Variants in CISD3 observed in about 807,000 individuals in gnomAD.
CISD3 encodes CDGSH iron sulfur domain 3.
Under a neutral mutation model 14.1 loss-of-function variants are expected in CISD3, and 11 were observed. That is an observed-to-expected ratio of 0.78 (90% CI 0.49 to 1.29). The LOEUF (loss-of-function observed/expected upper bound fraction) is 1.29. CISD3 is among the 50% of genes most tolerant of loss of function. CISD3 has a pLI of 0.00. For missense variants in CISD3, 156 were observed against 171.6 expected, an observed-to-expected ratio of 0.91 and a Z score of 0.51; for synonymous variants, 53 against 69.2, an observed-to-expected ratio of 0.77 and a Z score of 1.16.
Position 38,735,367 on chromosome 17 carries a change from A to T in CISD3, c.*1912A>T. On this transcript the variant is annotated 3_prime_UTR_variant, in exon 4 of 4. Transcript: ENST00000613478. ...CTGTCGAAGGGGGAGTGGGGGAGGT[A>T]GGGTGGGTGGCTGGAGGCCCATGGG... 1 of 1,554,012 alleles carries T rather than the reference A, an allele frequency of 6.4e-7. No individual in the cohort carries two copies.
intron 1 of CISD3, 46 bp downstream of exon 1, chr17:38,730,452 G>A: frequency 1.6e-6 from 2 of 1,221,078 alleles, no homozygotes; most frequent in Non-Finnish European, 2.1e-6. Flanking sequence ...AACCCCAGCC[G>A]GGCCCCTGCC....
Position 38,730,341 on chromosome 17 carries a change from G to T in CISD3, c.-18G>T. ...GCGGGGGCGGAGCCAGCGGGCGGGCGCGGCGCGGGAGGCGACCATGCGCGG... is the reference window on the plus strand; with the variant it reads ...GCGGGGGCGGAGCCAGCGGGCGGGCTCGGCGCGGGAGGCGACCATGCGCGG... On this transcript the variant is annotated 5_prime_UTR_variant, in exon 1 of 4. Transcript: ENST00000613478. 9.0e-7 allele frequency: 1 copy of T among 1,106,068 alleles called. No individual in the cohort carries two copies. The highest frequency in any genetic ancestry group is 4.3e-5 in the South Asian group (1 of 23,240). The allele number at this position is 1,106,068 out of a possible 1,614,324, so 68.5% of individuals were successfully genotyped here.
At position 38,733,509 on chromosome 17, in the gene CISD3, C is replaced by A; in HGVS notation, c.*54C>A. On this transcript the variant is annotated 3_prime_UTR_variant, in exon 4 of 4. Transcript: ENST00000613478. ...GCCTTGGCTCCAGGCCTCTGACAGGCACCCCCTTCTGTGGGAAAGGAAACA... is the reference window on the plus strand; with the variant it reads ...GCCTTGGCTCCAGGCCTCTGACAGGAACCCCCTTCTGTGGGAAAGGAAACA... The A allele has an allele frequency of 1.4e-6, 2 of 1,449,250 alleles. No homozygotes were observed. Among genetic ancestry groups the A allele is most frequent in the Non-Finnish European group, 9.1e-7 (1 of 1,093,630 alleles). The allele number at this position is 1,449,250 out of a possible 1,614,324, so 89.8% of individuals were successfully genotyped here. A position where few individuals can be genotyped will look rare whatever the true frequency, so the allele number is the denominator to read the frequency against.
At chr17:38,733,230 C>CTGCCT (rs1567936350) in intron 3 of CISD3, 46 bp from the exon 4 acceptor site, 1 of 1,546,792 alleles carries the variant, frequency 6.5e-7, no homozygotes, top group African/African-American at 1.4e-5. Flanking sequence ...CTGCCCTGCC[C>CTGCCT]CAGCAGGTGG....
intron 3 of CISD3, 48 bp from the exon 4 acceptor site, chr17:38,733,228 C>CCCTGT (rs1398826825): frequency 1.7e-5 from 26 of 1,543,374 alleles, no homozygotes; most frequent in East Asian, 2.4e-5. Context: ...CCCTGCCCTG[C>CCCTGT]CCCAGCAGGT....
intron 2 of CISD3, 41 bp from the exon 3 acceptor site, chr17:38,731,279 G>A (rs543405556): frequency 6.5e-7 from 1 of 1,546,982 alleles, no homozygotes; most frequent in South Asian, 1.2e-5. Context: ...TGCTTCCAGG[G>A]CTTGAGCTAA....
In CISD3 at chr17:38,731,524, T is replaced by C. The variant is rs76745975; in HGVS notation, c.204+85T>C. The C allele has an allele frequency of 3.8e-3, 5,786 of 1,520,160 alleles. 187 individuals are homozygous for C. The African/African-American group carries it at 0.069, about 18-fold the overall frequency. The allele number at this position is 1,520,160 out of a possible 1,614,324, so 94.2% of individuals were successfully genotyped here. A position where few individuals can be genotyped will look rare whatever the true frequency, so the allele number is the denominator to read the frequency against. ...AGTGAGTTCCCACCCAGGATGATCT[T>C]ATTCTTCCCACACATACCTGAGGGA... On this transcript the variant is annotated intron_variant, in intron 3 of 3. Transcript: ENST00000613478.
rs1906580488 is a variant in CISD3 at position 38,735,150 on chromosome 17, G to T, written c.*1695G>T. The T allele has an allele frequency of 8.3e-7, 1 of 1,198,960 alleles. No homozygotes were observed. The allele number at this position is 1,198,960 out of a possible 1,614,324, so 74.3% of individuals were successfully genotyped here. On this transcript the variant is annotated 3_prime_UTR_variant, in exon 4 of 4. Coordinates refer to ENST00000613478, the MANE Select transcript of CISD3 (RefSeq NM_001136498.2). ...GGAAGAGCTGGGGAAAGTAGAAGAG[G>T]TGGAAAAAAGGGCCCAGAAAAAGTG...
At position 38,734,998 on chromosome 17, in the gene CISD3, AGTTT is replaced by A. The variant is rs966176406; in HGVS notation, c.*1548_*1551del. 2 of 372,916 alleles carry A rather than the reference AGTTT, an allele frequency of 5.4e-6. No individual in the cohort carries two copies. Among genetic ancestry groups the A allele is most frequent in the Non-Finnish European group, 9.5e-6 (2 of 211,040 alleles). 23.1% of individuals were successfully genotyped at this position (372,916 alleles called of 1,614,324 possible). ...TTTCCACACATACACACACACATAA[AGTTT>A]GTTTCCTGTGGCATTTAAATTAATC... On this transcript the variant is annotated 3_prime_UTR_variant, in exon 4 of 4. Transcript: ENST00000613478.
chr17:38,731,248 G>T, intron 2 of CISD3, 72 bp from the exon 3 acceptor site: 3 of 1,524,730 alleles, frequency 2.0e-6, no homozygotes, highest in Non-Finnish European at 2.6e-6. Context: ...GGGAAACTAG[G>T]AAGGGTCGCA....
chr17:38,730,662 C>T lies in CISD3; in HGVS notation c.49-98C>T, dbSNP rs556881447. The T allele has an allele frequency of 1.9e-5, 24 of 1,267,860 alleles. No homozygotes were observed. In the African/African-American group the frequency reaches 2.4e-4, roughly 12 times the overall value. 78.5% of individuals were successfully genotyped at this position (1,267,860 alleles called of 1,614,324 possible). ...CCTTCAGCCCTGTCACCTCCTCCTTCCTAGATGGCCTCCCGTGTCCTTCCC... is the reference window on the plus strand; with the variant it reads ...CCTTCAGCCCTGTCACCTCCTCCTTTCTAGATGGCCTCCCGTGTCCTTCCC... On this transcript the variant is annotated intron_variant, in intron 1 of 3. Transcript: ENST00000613478.
rs569547026 is a variant in CISD3 at position 38,730,387 on chromosome 17, C to T, written c.29C>T (p.Pro10Leu). Reference sequence around the variant, plus strand: ...CGCGGCGCGGGGGCGATCCTGCGGCCGGCGGCGCGTGGTGCCCGGGTGAGC... The same window carrying T: ...CGCGGCGCGGGGGCGATCCTGCGGCTGGCGGCGCGTGGTGCCCGGGTGAGC... Reference protein sequence around the residue: MRGAGAILRPAARGARDLNP... With the variant: MRGAGAILRLAARGARDLNP... The change falls in exon 1 of 4, where the codon CCG becomes CTG. Residue 10 changes from proline (P) to leucine (L), a missense_variant. By Grantham distance (98) the Pro-to-Leu change is moderately conservative (BLOSUM62 -3). Transcript: ENST00000613478. 1.1e-4 allele frequency: 132 copies of T among 1,205,158 alleles called. No individual in the cohort carries two copies. In the African/African-American group the frequency reaches 2.0e-3, roughly 18 times the overall value. The allele number at this position is 1,205,158 out of a possible 1,614,324, so 74.7% of individuals were successfully genotyped here.
Position 38,732,215 on chromosome 17 carries a change from C to A in CISD3, c.204+776C>A, listed in dbSNP as rs566351112. 3.9e-5 allele frequency among the ~76,000 whole-genome samples: 6 copies of A among 152,324 alleles called. No individual in the cohort carries two copies. In the East Asian group the frequency reaches 9.6e-4, roughly 24 times the overall value. On this transcript the variant is annotated intron_variant, in intron 3 of 3. Transcript: ENST00000613478. ...TCCTTCAAGCTATGTGGCATGGTGTCAGCAGCCCAGGGTCCTTGAGTCCCA... is the reference window on the plus strand; with the variant it reads ...TCCTTCAAGCTATGTGGCATGGTGTAAGCAGCCCAGGGTCCTTGAGTCCCA...
chr17:38,735,267 G>T lies in CISD3; in HGVS notation c.*1812G>T. Reference sequence around the variant, plus strand: ...GGAGCGCCGTTGACAGTCATCTTGCGCCCCCTGCTGGTGGAGGATGGTGTC... The same window carrying T: ...GGAGCGCCGTTGACAGTCATCTTGCTCCCCCTGCTGGTGGAGGATGGTGTC... On this transcript the variant is annotated 3_prime_UTR_variant, in exon 4 of 4. Transcript: ENST00000613478. 1.4e-5 allele frequency: 20 copies of T among 1,466,796 alleles called. No homozygotes were observed. Among genetic ancestry groups the T allele is most frequent in the Non-Finnish European group, 1.8e-5 (20 of 1,098,572 alleles). The allele number at this position is 1,466,796 out of a possible 1,614,324, so 90.9% of individuals were successfully genotyped here. A position where few individuals can be genotyped will look rare whatever the true frequency, so the allele number is the denominator to read the frequency against.
At chr17:38,732,964 C>CAT (rs1906404254) in intron 3 of CISD3, among the ~76,000 whole-genome samples, 1 of 86,202 alleles carries the variant, frequency 1.2e-5, no homozygotes, top group South Asian at 3.3e-4. Context: ...CACACACACA[C>CAT]ACACTCACAC....
intron 2 of CISD3, 23 bp from the exon 3 acceptor site, chr17:38,731,297 C>A (rs773577639): frequency 1.3e-6 from 2 of 1,550,208 alleles, no homozygotes; most frequent in South Asian, 2.4e-5. Flanking sequence ...TAACCCTGAG[C>A]CCCTCATCTT....
chr17:38,730,877 T>C, intron 2 of CISD3, 82 bp downstream of exon 2: 1 of 1,406,664 alleles, frequency 7.1e-7, no homozygotes. Flanking sequence ...GAAATGGAGC[T>C]AGGAAGAGTA....
rs539696951 is a variant in CISD3 at position 38,733,217 on chromosome 17, G to GCCCTC, written c.205-55_205-54insCCCCT. 3.9e-6 allele frequency: 6 copies of GCCCTC among 1,534,390 alleles called. No individual in the cohort carries two copies. In the South Asian group the frequency reaches 7.2e-5, roughly 18 times the overall value. Reference sequence around the variant, plus strand: ...CACTCCCCCTGAGCTCCTGCAGCCTGCCCTGCCCTGCCCCAGCAGGTGGGG... The same window carrying GCCCTC: ...CACTCCCCCTGAGCTCCTGCAGCCTGCCCTCCCCTGCCCTGCCCCAGCAGGTGGGG... On this transcript the variant is annotated intron_variant, in intron 3 of 3. Transcript: ENST00000613478.
chr17:38,730,627 C>T (rs977436471), intron 1 of CISD3, 133 bp from the exon 2 acceptor site: 21 of 944,938 alleles, frequency 2.2e-5, no homozygotes, highest in Non-Finnish European at 3.1e-5. Context: ...CCTCTCATTC[C>T]TCCCTCGCCC....
Sources: gnomAD v4.1 joint callset for allele counts (sites outside exome capture counted in the v4.1 genomes callset) on GRCh38, gnomAD v4.1.1 for gene constraint, MANE v1.5 for transcripts, NCBI Gene and HGNC (gene_info 2026-07-23, HGNC 2026-07-21) for gene names.